Variants in NXPH1 observed in about 807,000 individuals in gnomAD.
The protein encoded by NXPH1 is neurexophilin-1.
NXPH1 carries 5 observed loss-of-function variants against 23.7 expected under a neutral mutation model. The observed-to-expected ratio is 0.21, with a 90% CI of 0.11 to 0.44. The LOEUF (loss-of-function observed/expected upper bound fraction) is 0.44. Among genes scored for constraint, NXPH1 ranks in the 20% least tolerant of loss-of-function variants. The pLI, the probability that NXPH1 is intolerant of heterozygous loss-of-function variation, is 0.99. For synonymous variants in NXPH1, 144 were observed against 122.2 expected, an observed-to-expected ratio of 1.18 and a Z score of -1.18; for missense variants, 324 against 321.6, an observed-to-expected ratio of 1.01 and a Z score of -0.06.
At chr7:8,737,803 A>G (rs887432892) in intron 2 of NXPH1, among the ~76,000 whole-genome samples, 23 of 152,154 alleles carry the variant, frequency 1.5e-4, no homozygotes, top group African/African-American at 4.8e-4. Context: ...TCACACGTTC[A>G]CATATTTCTT....
chr7:8,557,306 A>G (rs1352202867), intron 2 of NXPH1, among the ~76,000 whole-genome samples: 2 of 150,184 alleles, frequency 1.3e-5, no homozygotes, highest in Non-Finnish European at 3.0e-5. Context: ...AACAACAACA[A>G]TGTGATTAGA....
chr7:8,670,520 C>A (rs1355481190), intron 2 of NXPH1, among the ~76,000 whole-genome samples: 1 of 152,276 alleles, frequency 6.6e-6, no homozygotes, highest in South Asian at 2.1e-4. Context: ...TAAACTCGTG[C>A]ATCTTTTCTG....
chr7:8,496,270 G>A (rs1428616194), intron 2 of NXPH1, among the ~76,000 whole-genome samples: 1 of 152,138 alleles, frequency 6.6e-6, no homozygotes, highest in East Asian at 1.9e-4. Flanking sequence ...GAGCTGGTGT[G>A]TGAAGGGTGA....
At chr7:8,531,350 G>C (rs946248069) in intron 2 of NXPH1, among the ~76,000 whole-genome samples, 1 of 152,184 alleles carries the variant, frequency 6.6e-6, no homozygotes. Context: ...ACATAATAAT[G>C]TCATACTCTA....
At chr7:8,574,377 T>A (rs1349578209) in intron 2 of NXPH1, among the ~76,000 whole-genome samples, 2 of 152,108 alleles carry the variant, frequency 1.3e-5, no homozygotes, top group Admixed American at 6.5e-5. Flanking sequence ...GCCTCCCAAG[T>A]AGCTGGGACT....
intron 2 of NXPH1, among the ~76,000 whole-genome samples, chr7:8,548,986 GA>G (rs543632193): frequency 2.0e-5 from 3 of 151,484 alleles, no homozygotes; most frequent in Non-Finnish European, 4.4e-5. Flanking sequence ...ATTACACTCA[GA>G]AAAAATTATT....
At chr7:8,707,509 C>A (rs1283077574) in intron 2 of NXPH1, among the ~76,000 whole-genome samples, 2 of 152,062 alleles carry the variant, frequency 1.3e-5, no homozygotes, top group African/African-American at 4.8e-5. Context: ...TGTTGGTTCT[C>A]AGTATGTATT....
chr7:8,751,241 C>G lies in NXPH1; in HGVS notation c.288C>G (p.Asp96Glu), dbSNP rs1403492779. Reference protein sequence around the residue: ...DLWDWLRNSTDLQEPRPRAKR... With the variant: ...DLWDWLRNSTELQEPRPRAKR... ...GGGACTGGCTGAGGAACTCCACAGA[C>G]CTTCAAGAGCCTCGGCCCAGGGCCA... Residue 96 changes from aspartate (D) to glutamate (E), a missense_variant, in exon 3 of 3, where the codon GAC becomes GAG. Physicochemically the swap from Asp to Glu is conservative, Grantham distance 45 (BLOSUM62 2). Transcript: ENST00000405863. This position sits in a 1 kb window ranked among gnomAD's most constrained non-coding sequence, Gnocchi z 4.5. The G allele has an allele frequency of 1.2e-6, 2 of 1,613,902 alleles. No homozygotes were observed. Among genetic ancestry groups the G allele is most frequent in the Non-Finnish European group, 1.7e-6 (2 of 1,179,836 alleles).
chr7:8,575,042 G>T (rs757758435), intron 2 of NXPH1, among the ~76,000 whole-genome samples: 1 of 152,116 alleles, frequency 6.6e-6, no homozygotes, highest in Non-Finnish European at 1.5e-5. Context: ...AATGTAAATA[G>T]CTTCTCCCTT....
Position 8,741,764 on chromosome 7 carries a change from A to G in NXPH1, c.55-9244A>G, listed in dbSNP as rs537500424. Among the ~76,000 whole-genome samples, 99 of 152,262 alleles carry G rather than the reference A, an allele frequency of 6.5e-4. No individual in the cohort carries two copies. The Middle Eastern group carries it at 0.024, about 37-fold the overall frequency. ...TGTAAGAAAGGAATCTCTGAGTGCC[A>G]TGTGTCCCCCTAAAATATTGATTGT... On this transcript the variant is annotated intron_variant, in intron 2 of 2. Coordinates refer to ENST00000405863, the MANE Select transcript of NXPH1 (RefSeq NM_152745.3).
At chr7:8,623,794 C>CTG (rs1819930429) in intron 2 of NXPH1, among the ~76,000 whole-genome samples, 1 of 151,342 alleles carries the variant, frequency 6.6e-6, no homozygotes, top group Non-Finnish European at 1.5e-5. Context: ...CTATCTGTAT[C>CTG]TATATTTACA....
intron 2 of NXPH1, among the ~76,000 whole-genome samples, chr7:8,556,836 A>T (rs571832678): frequency 6.6e-6 from 1 of 151,650 alleles, no homozygotes; most frequent in Non-Finnish European, 1.5e-5. Context: ...TTTAATGCTT[A>T]CTCTGTGTCA....
chr7:8,438,387 G>A (rs1321689729), intron 2 of NXPH1, among the ~76,000 whole-genome samples: 3 of 152,210 alleles, frequency 2.0e-5, no homozygotes, highest in Admixed American at 2.0e-4. Context: ...ATTCAAAGAA[G>A]GCAAGAGTGG....
intron 2 of NXPH1, among the ~76,000 whole-genome samples, chr7:8,498,055 A>G (rs1817368363): frequency 6.6e-6 from 1 of 152,108 alleles, no homozygotes; most frequent in South Asian, 2.1e-4. Flanking sequence ...GTATGAGACA[A>G]TCATAGGGCT....
At chr7:8,711,953 G>A (rs1032429420) in intron 2 of NXPH1, among the ~76,000 whole-genome samples, 2 of 152,210 alleles carry the variant, frequency 1.3e-5, no homozygotes, top group African/African-American at 4.8e-5. Context: ...CCAGTTGTGA[G>A]GCAATTATGT....
chr7:8,469,649 G>C (rs1309120683), intron 2 of NXPH1, among the ~76,000 whole-genome samples: 2 of 151,964 alleles, frequency 1.3e-5, no homozygotes, highest in African/African-American at 4.8e-5. Flanking sequence ...CATTATGAAG[G>C]TTACCAGGGA....
chr7:8,457,131 TTCAA>T (rs1403058024), intron 2 of NXPH1, among the ~76,000 whole-genome samples: 1 of 152,216 alleles, frequency 6.6e-6, no homozygotes, highest in Non-Finnish European at 1.5e-5. Flanking sequence ...AAGTGGTGTT[TTCAA>T]ACTCTTTACC....
intron 2 of NXPH1, among the ~76,000 whole-genome samples, chr7:8,484,994 C>A (rs1161596626): frequency 2.0e-5 from 3 of 152,156 alleles, no homozygotes; most frequent in Admixed American, 2.0e-4. Flanking sequence ...CCACCCAAAT[C>A]TTACCTTGAA....
intron 2 of NXPH1, among the ~76,000 whole-genome samples, chr7:8,726,942 A>G (rs913807920): frequency 3.3e-5 from 5 of 150,394 alleles, no homozygotes; most frequent in African/African-American, 1.2e-4. Context: ...ACTAGTTTAC[A>G]GTCCCACCAA....
Sources: allele counts gnomAD v4.1 joint callset (sites outside exome capture counted in the v4.1 genomes callset), GRCh38; gene constraint gnomAD v4.1.1; non-coding constraint Gnocchi (gnomAD v3.1); transcripts MANE v1.5; gene names NCBI Gene and HGNC (gene_info 2026-07-23, HGNC 2026-07-21).